The following PBX1 variants were observed in gnomAD, a reference collection of about 807,000 sequenced individuals.
PBX1 encodes the protein PBX homeobox 1, also known as pre-B-cell leukemia transcription factor 1.
PBX1 carries 6 observed loss-of-function variants against 53.4 expected under a neutral mutation model. That is an observed-to-expected ratio of 0.11 (90% confidence interval 0.06 to 0.22). The LOEUF (loss-of-function observed/expected upper bound fraction) is 0.22. Among genes scored for constraint, PBX1 ranks in the 10% least tolerant of loss-of-function variants. The probability of loss-of-function intolerance (pLI) is 1.00; values close to 1 mark genes in which losing one functional copy is unlikely to be tolerated. For missense variants in PBX1, 251 were observed against 551.4 expected (o/e 0.46, Z 5.46); for synonymous variants, 204 against 212.3 (o/e 0.96, Z 0.34).
chr1:164,843,589 A>C (rs558561588), intron 8 of PBX1, among the ~76,000 whole-genome samples: 1 of 152,168 alleles, frequency 6.6e-6, no homozygotes, highest in East Asian at 1.9e-4. Flanking sequence ...GGTTTTGTTT[A>C]ATGTATTTCT....
intron 2 of PBX1, among the ~76,000 whole-genome samples, chr1:164,726,644 G>A (rs1393408259): frequency 2.0e-5 from 3 of 152,196 alleles, no homozygotes; most frequent in Non-Finnish European, 4.4e-5. Flanking sequence ...AGAGGTCTAT[G>A]GAGTATAAAA....
chr1:164,733,044 G>T (rs1337834879), intron 2 of PBX1, among the ~76,000 whole-genome samples: 1 of 152,076 alleles, frequency 6.6e-6, no homozygotes, highest in Admixed American at 6.6e-5. Flanking sequence ...AGCAGTATTT[G>T]ATACTTCATG....
At chr1:164,588,227 G>C (rs1485688075) in intron 2 of PBX1, among the ~76,000 whole-genome samples, 2 of 152,192 alleles carry the variant, frequency 1.3e-5, no homozygotes, top group Admixed American at 1.3e-4. Context: ...CCCGCCTGTA[G>C]AGCACAATAG....
chr1:164,854,479 G>C (rs1461289620), downstream of PBX1: 1 of 152,114 alleles, frequency 6.6e-6, no homozygotes, highest in Non-Finnish European at 1.5e-5. Context: ...CATTCAGTGG[G>C]TAAGTTCAAG....
At chr1:164,562,981 C>T (rs1261810205) in intron 1 of PBX1, 1 of 209,678 alleles carries the variant, frequency 4.8e-6, no homozygotes, top group Non-Finnish European at 9.4e-6. Context: ...AAAAAAAAAA[C>T]CCTTTCCCTA....
intron 2 of PBX1, among the ~76,000 whole-genome samples, chr1:164,652,379 C>A (rs1571152652): frequency 6.6e-6 from 1 of 152,312 alleles, no homozygotes; most frequent in Non-Finnish European, 1.5e-5. Flanking sequence ...TGATTCATTT[C>A]ATCTCTTTTC....
chr1:164,763,797 C>T (rs950895013), intron 2 of PBX1, among the ~76,000 whole-genome samples: 2 of 152,212 alleles, frequency 1.3e-5, no homozygotes, highest in Non-Finnish European at 2.9e-5. Flanking sequence ...AACAGCAACA[C>T]TGAAAAGGGA....
chr1:164,745,815 C>T (rs1187292496), intron 2 of PBX1, among the ~76,000 whole-genome samples: 1 of 152,196 alleles, frequency 6.6e-6, no homozygotes, highest in Non-Finnish European at 1.5e-5. Context: ...TGTGTGCCTT[C>T]ATATATGCAT....
At position 164,867,013 on chromosome 1, in the gene PBX1, T is replaced by A. The variant is rs1672234590; in HGVS notation, n.258-32175T>A. Among the ~76,000 whole-genome samples, 3 of 152,208 alleles carry A rather than the reference T, an allele frequency of 2.0e-5. No individual in the cohort carries two copies. In the South Asian group the frequency reaches 6.2e-4, roughly 32 times the overall value. ...TAAGAAACCCTCTATAGAGACTGGA[T>A]TAAAGAGAAGGAGGACAGCATCAGA... On this transcript the variant is annotated intron_variant and non_coding_transcript_variant, in intron 2 of 2. Transcript: ENST00000558796.
At chr1:164,885,038 G>T (rs963752376) in intron 2 of PBX1, among the ~76,000 whole-genome samples, 1 of 152,146 alleles carries the variant, frequency 6.6e-6, no homozygotes, top group Non-Finnish European at 1.5e-5. Context: ...TGTGTGAGGT[G>T]CTGTACAAGT....
chr1:164,746,147 T>G (rs1665877912), intron 2 of PBX1, among the ~76,000 whole-genome samples: 1 of 152,234 alleles, frequency 6.6e-6, no homozygotes, highest in Admixed American at 6.5e-5. Context: ...AAAAGTCAGC[T>G]TTTAAGTTTC....
chr1:164,665,910 G>T (rs1041534766), intron 2 of PBX1, among the ~76,000 whole-genome samples: 2 of 152,198 alleles, frequency 1.3e-5, no homozygotes, highest in African/African-American at 2.4e-5. Flanking sequence ...GTACCTAGTT[G>T]CAAGGGAGTC....
intron 2 of PBX1, among the ~76,000 whole-genome samples, chr1:164,708,430 T>C (rs1318537987): frequency 1.3e-5 from 2 of 152,154 alleles, no homozygotes; most frequent in African/African-American, 4.8e-5. Context: ...GGGGGGTACA[T>C]ATGCAGGTTT....
At chr1:164,693,713 A>G (rs1214639909) in intron 2 of PBX1, among the ~76,000 whole-genome samples, 1 of 152,184 alleles carries the variant, frequency 6.6e-6, no homozygotes, top group East Asian at 1.9e-4. Flanking sequence ...CTCCAGGTCC[A>G]GTGAGTTCAT....
chr1:164,812,127 G>T lies in PBX1; in HGVS notation c.975G>T (p.Ser325=), dbSNP rs750417622. The change falls in exon 6 of 9, where the codon TCG becomes TCT. Residue 325 remains serine (S), a synonymous_variant. Coordinates refer to ENST00000420696, the MANE Select transcript of PBX1 (RefSeq NM_002585.4). ...NVSAHGSQAN[S]PSTPNSAGSS... is the part of the protein sequence containing the mutation. ...CAGCCCATGGAAGCCAAGCTAACTC[G>T]CCCTCAACTCCCAACTCGGCTGGTT... 1 of 1,612,068 alleles carries T rather than the reference G, an allele frequency of 6.2e-7. No individual in the cohort carries two copies. The highest frequency in any genetic ancestry group is 1.7e-5 in the Admixed American group (1 of 59,812).
At chr1:164,841,350 G>C (rs951335948) in intron 8 of PBX1, among the ~76,000 whole-genome samples, 5 of 152,316 alleles carry the variant, frequency 3.3e-5, no homozygotes, top group African/African-American at 1.2e-4. Context: ...GTAAATAATT[G>C]TGTTGATAGG....
At chr1:164,674,847 G>GGCCCCC (rs1661328876) in intron 2 of PBX1, 1 of 40,616 alleles carries the variant, frequency 2.5e-5, no homozygotes, top group Non-Finnish European at 6.2e-5. Context: ...AGAAATCACA[G>GGCCCCC]CCCCCCCCCC....
intron 2 of PBX1, chr1:164,682,808 GA>G (rs1661865358): frequency 6.6e-6 from 1 of 152,166 alleles, no homozygotes; most frequent in Non-Finnish European, 1.5e-5. Context: ...TCGTCCCTGG[GA>G]AACAACTTGT....
At chr1:164,859,893 G>A (rs1014350159) in intron 2 of PBX1, among the ~76,000 whole-genome samples, 16 of 152,176 alleles carry the variant, frequency 1.1e-4, no homozygotes, top group Non-Finnish European at 1.9e-4. Flanking sequence ...TACAAGCTTG[G>A]ACAAGAATTT....
Sources: gnomAD v4.1 joint callset for allele counts (sites outside exome capture counted in the v4.1 genomes callset) on GRCh38, gnomAD v4.1.1 for gene constraint, MANE v1.5 for transcripts, NCBI Gene and HGNC (gene_info 2026-07-23, HGNC 2026-07-21) for gene names.